NALF2: variants seen among roughly 807,000 people sequenced by gnomAD.
NALF2 encodes NALCN channel auxiliary factor 2.
In NALF2, 1 loss-of-function variant was observed where a neutral mutation model predicts 24.8. That is an observed-to-expected ratio of 0.04 (90% confidence interval 0.01 to 0.19). The LOEUF is 0.19. NALF2 is among the 10% of genes least tolerant of loss of function. The pLI is 1.00. For missense variants in NALF2, 458 were observed against 409.6 expected (o/e 1.12, Z -1.02); for synonymous variants, 254 against 189.8 (o/e 1.34, Z -2.78).
At chrX:69,527,545 G>C (rs759881814) in intron 1 of NALF2, among the ~76,000 whole-genome samples, 2 of 112,246 alleles carry the variant, frequency 1.8e-5, no homozygotes, top group South Asian at 7.4e-4. Flanking sequence ...ACCTGGACCT[G>C]GCTCAGAAAT....
At chrX:69,521,851 G>C in intron 1 of NALF2, among the ~76,000 whole-genome samples, 1 of 112,040 alleles carries the variant, frequency 8.9e-6, no homozygotes, top group East Asian at 2.8e-4. Context: ...CTGAAGACAG[G>C]AATCTTGTCT....
In NALF2 at chrX:69,505,685, G is replaced by C. The variant is rs769078970; in HGVS notation, c.403G>C (p.Gly135Arg). The change falls in exon 1 of 3, where the codon GGC becomes CGC. Residue 135 changes from glycine (G) to arginine (R), a missense_variant. Physicochemically the swap from Gly to Arg is moderately radical, Grantham distance 125. Transcript: ENST00000252338. ...APAAGSRPVC[G>R]GVPEPTGLDA... ...CGCCGCCGGCTCTCGGCCGGTCTGC[G>C]GCGGCGTCCCAGAGCCCACGGGGCT... 3 of 1,206,320 alleles carry C rather than the reference G, an allele frequency of 2.5e-6. No individual in the cohort carries two copies. Among genetic ancestry groups the C allele is most frequent in the South Asian group, 1.8e-5 (1 of 56,640 alleles).
chrX:69,504,785 C>G lies in NALF2; in HGVS notation c.-498C>G, dbSNP rs1294901380. ...GGGCGGACGGGCGGGAGCGGAGCGG[C>G]GCGGGGCGAGGGGAGCGGAGCGGAG... On this transcript the variant is annotated 5_prime_UTR_variant, in exon 1 of 3. Transcript: ENST00000252338. Among the ~76,000 whole-genome samples the G allele has an allele frequency of 9.7e-6, 1 of 102,605 alleles. No individual in the cohort carries two copies. Among genetic ancestry groups the G allele is most frequent in the Non-Finnish European group, 1.9e-5 (1 of 51,542 alleles). 89.1% of individuals were successfully genotyped at this position (102,605 alleles called of 115,157 possible).
chrX:69,526,329 A>G (rs1930807570), intron 1 of NALF2, among the ~76,000 whole-genome samples: 1 of 111,370 alleles, frequency 9.0e-6, no homozygotes, highest in Non-Finnish European at 1.9e-5. Context: ...CCACCACTGA[A>G]ATCTTTCCCT....
chrX:69,505,767 C>A lies in NALF2; in HGVS notation c.485C>A (p.Pro162Gln). 6.6e-6 allele frequency: 8 copies of A among 1,211,507 alleles called. No homozygotes were observed. Among genetic ancestry groups the A allele is most frequent in the Non-Finnish European group, 8.9e-6 (8 of 895,143 alleles). ...SLQRLFEPTTPAPPLRPPDSL... is the reference protein window; with the variant it reads ...SLQRLFEPTTQAPPLRPPDSL... ...CAGAGACTTTTCGAACCGACTACTC[C>A]GGCCCCCCCTCTGCGGCCCCCTGAC... Residue 162 changes from proline (P) to glutamine (Q), a missense_variant, in exon 1 of 3, where the codon CCG (proline) becomes CAG (glutamine). Transcript: ENST00000252338.
chrX:69,517,031 T>C (rs773028507), intron 1 of NALF2, among the ~76,000 whole-genome samples: 1 of 111,321 alleles, frequency 9.0e-6, no homozygotes, highest in African/African-American at 3.3e-5. Context: ...AGAATGAGAT[T>C]TGAGTCCACT....
rs1474863415 is a variant in NALF2 at position 69,531,737 on chromosome X, A to T, written c.*1781A>T. On this transcript the variant is annotated 3_prime_UTR_variant, in exon 3 of 3. Coordinates refer to ENST00000252338, the MANE Select transcript of NALF2 (RefSeq NM_015686.3). ...TCCTTCCCTGCCAGTTTTCTCATTTATTACAGCCTATCCCCCAACCCTACC... is the reference window on the plus strand; with the variant it reads ...TCCTTCCCTGCCAGTTTTCTCATTTTTTACAGCCTATCCCCCAACCCTACC... 1 of 111,360 alleles carries T rather than the reference A, an allele frequency of 9.0e-6. No individual in the cohort carries two copies. The highest frequency in any genetic ancestry group is 1.9e-5 in the Non-Finnish European group (1 of 52,949). The allele number at this position is 111,360 out of a possible 1,213,427, so 9.2% of individuals were successfully genotyped here.
chrX:69,517,216 T>C (rs950342333), intron 1 of NALF2, among the ~76,000 whole-genome samples: 4 of 112,135 alleles, frequency 3.6e-5, no homozygotes, highest in African/African-American at 1.3e-4. Flanking sequence ...TGGCATCTCA[T>C]TTTCCTCACC....
chrX:69,506,295 C>A, intron 1 of NALF2, 152 bp downstream of exon 1: 3 of 598,259 alleles, frequency 5.0e-6, no homozygotes, highest in Non-Finnish European at 7.7e-6. Flanking sequence ...CTGGGACCTT[C>A]CCTAGTGAAG....
At chrX:69,525,474 T>A (rs1191415301) in intron 1 of NALF2, among the ~76,000 whole-genome samples, 1 of 110,729 alleles carries the variant, frequency 9.0e-6, no homozygotes, top group Non-Finnish European at 1.9e-5. Context: ...TTCATGTTCT[T>A]TCCTGCCTTA....
intron 1 of NALF2, among the ~76,000 whole-genome samples, chrX:69,507,126 C>G (rs1207934534): frequency 1.8e-5 from 2 of 111,836 alleles, no homozygotes; most frequent in African/African-American, 3.3e-5. Context: ...GGTCAGATGA[C>G]AAGGAGACCA....
chrX:69,514,059 G>A (rs1238819945), intron 1 of NALF2, among the ~76,000 whole-genome samples: 1 of 110,531 alleles, frequency 9.0e-6, no homozygotes. Flanking sequence ...CGGGCATGGC[G>A]GTGCACACCT....
chrX:69,507,935 T>C (rs1180823141), intron 1 of NALF2, among the ~76,000 whole-genome samples: 3 of 111,358 alleles, frequency 2.7e-5, no homozygotes, highest in Non-Finnish European at 3.8e-5. Context: ...CCGATTTCTG[T>C]CTGGACCTGA....
Position 69,505,465 on chromosome X carries a change from G to C in NALF2, c.183G>C (p.Leu61=). ...TCACCGTGCTGCTCGCTGACCATCT[G>C]TGGCTGTGCGCGGGGGCCCGGCCCC... is the stretch of plus-strand genomic sequence containing the variant. ...LFFTVLLADH[L]WLCAGARPRA... Residue 61 remains leucine, a synonymous_variant, in exon 1 of 3, where the codon CTG becomes CTC. Transcript: ENST00000252338. 9.0e-7 allele frequency: 1 copy of C among 1,114,867 alleles called. No homozygotes were observed. Among genetic ancestry groups the C allele is most frequent in the Non-Finnish European group, 1.2e-6 (1 of 850,684 alleles). The allele number at this position is 1,114,867 out of a possible 1,213,427, so 91.9% of individuals were successfully genotyped here.
intron 1 of NALF2, among the ~76,000 whole-genome samples, chrX:69,526,448 C>T (rs1041265697): frequency 8.9e-6 from 1 of 112,007 alleles, no homozygotes; most frequent in African/African-American, 3.3e-5. Flanking sequence ...CTGGAATTTT[C>T]ATGAGCGTAG....
chrX:69,528,636 C>T (rs1405411435), intron 1 of NALF2, among the ~76,000 whole-genome samples: 3 of 112,252 alleles, frequency 2.7e-5, no homozygotes, highest in Non-Finnish European at 5.6e-5. Flanking sequence ...TATAGGTAGT[C>T]TCAGACAAGT....
In NALF2 at chrX:69,509,435, A is replaced by G. The variant is rs190083571; in HGVS notation, c.861+3292A>G. Among the ~76,000 whole-genome samples the G allele has an allele frequency of 5.4e-5, 6 of 110,495 alleles. No individual in the cohort carries two copies. In the East Asian group the frequency reaches 1.7e-3, roughly 31 times the overall value. Reference sequence around the variant, plus strand: ...CAGAACATTCAGACTAGGGGGAGTGATGGAGATGGGGGCAAAATCCTGGCT... The same window carrying G: ...CAGAACATTCAGACTAGGGGGAGTGGTGGAGATGGGGGCAAAATCCTGGCT... On this transcript the variant is annotated intron_variant, in intron 1 of 2. Transcript: ENST00000252338.
chrX:69,517,546 A>G (rs1930679864), intron 1 of NALF2, among the ~76,000 whole-genome samples: 1 of 112,011 alleles, frequency 8.9e-6, no homozygotes, highest in African/African-American at 3.2e-5. Context: ...TTCTCTCCTT[A>G]ATTAGGTGTG....
At chrX:69,512,562 G>C (rs1035815651) in intron 1 of NALF2, among the ~76,000 whole-genome samples, 1 of 111,766 alleles carries the variant, frequency 8.9e-6, no homozygotes, top group Non-Finnish European at 1.9e-5. Context: ...AAGGAAAGAA[G>C]AAAATTGCGA....
Sources: gnomAD v4.1 joint callset for allele counts (sites outside exome capture counted in the v4.1 genomes callset) on GRCh38, gnomAD v4.1.1 for gene constraint, MANE v1.5 for transcripts, NCBI Gene and HGNC (gene_info 2026-07-23, HGNC 2026-07-21) for gene names.